The following CDH2 variants were observed in gnomAD, a reference collection of about 807,000 sequenced individuals.
CDH2 encodes the protein cadherin 2.
In CDH2, 17 loss-of-function variants were observed where a neutral mutation model predicts 92.0. The ratio of observed to expected loss-of-function variants is 0.18; its 90% CI spans 0.13 to 0.28. The LOEUF (loss-of-function observed/expected upper bound fraction) is 0.28, where lower values mean the gene tolerates loss of function less well. Among genes scored for constraint, CDH2 ranks in the 10% least tolerant of loss-of-function variants. The pLI, the probability that CDH2 is intolerant of heterozygous loss-of-function variation, is 1.00. For missense variants in CDH2, 862 were observed against 1,133.1 expected, an observed-to-expected ratio of 0.76 and a Z score of 3.44; for synonymous variants, 419 against 415.9, an observed-to-expected ratio of 1.01 and a Z score of -0.09.
chr18:28,160,568 G>A (rs575808593), intron 1 of CDH2, among the ~76,000 whole-genome samples: 5 of 152,234 alleles, frequency 3.3e-5, no homozygotes, highest in African/African-American at 7.2e-5. Flanking sequence ...GGTCTGGATG[G>A]CCTTTACAAG....
chr18:28,051,392 A>G (rs1032693256), intron 2 of CDH2, among the ~76,000 whole-genome samples: 6 of 152,180 alleles, frequency 3.9e-5, no homozygotes, highest in Non-Finnish European at 8.8e-5. Context: ...TAATCCCTGC[A>G]TAATTAATAG....
chr18:27,946,519 T>C (rs1419947941), downstream of CDH2, among the ~76,000 whole-genome samples: 1 of 152,054 alleles, frequency 6.6e-6, no homozygotes, highest in Non-Finnish European at 1.5e-5. Context: ...GAATTATACC[T>C]ATTCCTACTG....
intron 2 of CDH2, among the ~76,000 whole-genome samples, chr18:28,110,545 G>A (rs1418778845): frequency 3.3e-5 from 5 of 152,046 alleles, no homozygotes; most frequent in Non-Finnish European, 7.4e-5. Context: ...CTGAAATAAC[G>A]ACTCTGTTCT....
chr18:27,998,416 G>A (rs2012657686), intron 7 of CDH2, among the ~76,000 whole-genome samples: 1 of 152,108 alleles, frequency 6.6e-6, no homozygotes, highest in East Asian at 1.9e-4. Context: ...AGCTTGCCAT[G>A]GACACCCAGC....
At chr18:27,993,401 G>T in intron 8 of CDH2, 99 bp downstream of exon 8, 2 of 1,195,770 alleles carry the variant, frequency 1.7e-6, no homozygotes, top group South Asian at 1.6e-5. Context: ...ATTAGGTGAA[G>T]CAAGTTCCAC....
chr18:28,172,822 T>C (rs1568026782), intron 1 of CDH2, among the ~76,000 whole-genome samples: 1 of 152,106 alleles, frequency 6.6e-6, no homozygotes, highest in African/African-American at 2.4e-5. Context: ...ACTTCTTAAA[T>C]AACAGCTCTG....
At chr18:28,137,620 A>C (rs2015885376) in intron 2 of CDH2, among the ~76,000 whole-genome samples, 1 of 152,134 alleles carries the variant, frequency 6.6e-6, no homozygotes, top group Non-Finnish European at 1.5e-5. Flanking sequence ...AACTGTGCTC[A>C]AATGTCCGAA....
chr18:28,168,300 C>T (rs2016415644), intron 1 of CDH2, among the ~76,000 whole-genome samples: 1 of 152,092 alleles, frequency 6.6e-6, no homozygotes, highest in Admixed American at 6.5e-5. Context: ...AGAATATTCA[C>T]CGGAACTTGT....
At chr18:28,124,672 A>C (rs957909610) in intron 2 of CDH2, among the ~76,000 whole-genome samples, 2 of 152,196 alleles carry the variant, frequency 1.3e-5, no homozygotes, top group African/African-American at 4.8e-5. Context: ...CAACCACTGC[A>C]TTAATTTTTC....
intron 1 of CDH2, among the ~76,000 whole-genome samples, chr18:28,167,406 C>T (rs998470885): frequency 1.3e-5 from 2 of 152,086 alleles, no homozygotes; most frequent in Non-Finnish European, 2.9e-5. Context: ...TTTAAACCAA[C>T]TTCACCCTCC....
intron 2 of CDH2, among the ~76,000 whole-genome samples, chr18:28,043,489 T>TATATATATATAA (rs2014000174): frequency 2.7e-5 from 2 of 75,038 alleles, no homozygotes; most frequent in African/African-American, 1.1e-4. Flanking sequence ...TATATATATA[T>TATATATATATAA]ATATAAATAT....
At chr18:28,114,914 G>T (rs1599111215) in intron 2 of CDH2, among the ~76,000 whole-genome samples, 1 of 151,834 alleles carries the variant, frequency 6.6e-6, no homozygotes, top group East Asian at 1.9e-4. Flanking sequence ...ATAAAAAAAA[G>T]TCTTACAATG....
At chr18:28,160,347 T>C (rs1191194829) in intron 1 of CDH2, among the ~76,000 whole-genome samples, 2 of 152,062 alleles carry the variant, frequency 1.3e-5, no homozygotes, top group African/African-American at 4.8e-5. Flanking sequence ...ACTCTGGAAG[T>C]GCTGAGGGGC....
intron 14 of CDH2, among the ~76,000 whole-genome samples, chr18:27,978,093 C>T (rs550116049): frequency 2.2e-4 from 33 of 152,204 alleles, no homozygotes; most frequent in Middle Eastern, 3.4e-3. Flanking sequence ...TATTTCATAC[C>T]GCTGAACTTC....
At chr18:27,952,458 C>CTTGT in intron 15 of CDH2, 99 bp from the exon 16 acceptor site, 2 of 887,198 alleles carry the variant, frequency 2.3e-6, no homozygotes, top group South Asian at 1.5e-5. Context: ...CAAACAAACA[C>CTTGT]TTGTTTGTAA....
chr18:28,055,544 T>G (rs1399839301), intron 2 of CDH2, among the ~76,000 whole-genome samples: 1 of 152,210 alleles, frequency 6.6e-6, no homozygotes, highest in Non-Finnish European at 1.5e-5. Context: ...CTTAATGATA[T>G]TTCTAGGATA....
intron 1 of CDH2, among the ~76,000 whole-genome samples, chr18:28,161,339 T>A (rs947263466): frequency 2.0e-5 from 3 of 152,036 alleles, no homozygotes; most frequent in Admixed American, 1.3e-4. Context: ...AGCACTTTGG[T>A]AGGCCAAGGC....
At chr18:28,154,781 C>T (rs777352093) in intron 1 of CDH2, among the ~76,000 whole-genome samples, 9 of 152,170 alleles carry the variant, frequency 5.9e-5, no homozygotes, top group Non-Finnish European at 8.8e-5. Flanking sequence ...CATGGACAGA[C>T]TTCAGTTGCC....
intron 1 of CDH2, among the ~76,000 whole-genome samples, chr18:28,166,064 C>T (rs1460607311): frequency 6.8e-6 from 1 of 147,228 alleles, no homozygotes; most frequent in Admixed American, 6.8e-5. Context: ...CATAGTGTGA[C>T]GTTTGAGGAA....
Sources: allele counts gnomAD v4.1 joint callset (sites outside exome capture counted in the v4.1 genomes callset), GRCh38; gene constraint gnomAD v4.1.1; transcripts MANE v1.5; gene names NCBI Gene and HGNC (gene_info 2026-07-23, HGNC 2026-07-21).